The following BAG4 variants were observed in gnomAD, a reference collection of about 807,000 sequenced individuals.
The protein encoded by BAG4 is BAG family molecular chaperone regulator 4.
BAG4 carries 28 observed loss-of-function variants against 52.1 expected under a neutral mutation model. That is an observed-to-expected ratio of 0.54 (90% CI 0.40 to 0.74). The LOEUF is 0.74. BAG4 is among the 30% of genes least tolerant of loss of function. BAG4 has a pLI of 0.00. For synonymous variants in BAG4, 208 were observed against 217.0 expected, an observed-to-expected ratio of 0.96 and a Z score of 0.37; for missense variants, 525 against 572.0, an observed-to-expected ratio of 0.92 and a Z score of 0.84.
chr8:38,179,323 A>C (rs1318386355), intron 1 of BAG4, among the ~76,000 whole-genome samples: 1 of 151,706 alleles, frequency 6.6e-6, no homozygotes, highest in African/African-American at 2.4e-5. Flanking sequence ...TGCCCAACTA[A>C]ATTTTGTATT....
chr8:38,199,269 G>A (rs1011905870), intron 2 of BAG4, among the ~76,000 whole-genome samples: 1 of 152,168 alleles, frequency 6.6e-6, no homozygotes, highest in African/African-American at 2.4e-5. Flanking sequence ...AATCCTATGG[G>A]ACCACTGTTA....
intron 1 of BAG4, 41 bp downstream of exon 1, chr8:38,177,180 C>T (rs772731815): frequency 2.5e-6 from 4 of 1,600,812 alleles, no homozygotes; most frequent in South Asian, 1.1e-5. Context: ...AGGTGAGGGC[C>T]CTTGGGGCTG....
chr8:38,188,975 T>A (rs1803421827), intron 1 of BAG4, among the ~76,000 whole-genome samples: 1 of 151,186 alleles, frequency 6.6e-6, no homozygotes, highest in Non-Finnish European at 1.5e-5. Context: ...TTTTTTTTTT[T>A]TGAGATGGAG....
chr8:38,180,547 A>G (rs1803246901), intron 1 of BAG4, among the ~76,000 whole-genome samples: 1 of 151,356 alleles, frequency 6.6e-6, no homozygotes, highest in Non-Finnish European at 1.5e-5. Flanking sequence ...AAAAAAAAAA[A>G]AGATATGCAT....
At chr8:38,182,535 A>G (rs1309787216) in intron 1 of BAG4, among the ~76,000 whole-genome samples, 1 of 152,228 alleles carries the variant, frequency 6.6e-6, no homozygotes, top group Non-Finnish European at 1.5e-5. Flanking sequence ...TTTCTTTGGC[A>G]TAGAACTTTA....
chr8:38,208,801 A>G (rs1470475873), intron 3 of BAG4, among the ~76,000 whole-genome samples: 1 of 152,036 alleles, frequency 6.6e-6, no homozygotes, highest in Non-Finnish European at 1.5e-5. Context: ...TTTTATTGTC[A>G]TTAAATCTAC....
At chr8:38,178,336 G>C (rs1803205280) in intron 1 of BAG4, among the ~76,000 whole-genome samples, 1 of 152,130 alleles carries the variant, frequency 6.6e-6, no homozygotes, top group African/African-American at 2.4e-5. Context: ...TGTATTTTTA[G>C]TACAGACGGG....
At chr8:38,203,246 T>C (rs1803711226) in intron 2 of BAG4, among the ~76,000 whole-genome samples, 1 of 151,946 alleles carries the variant, frequency 6.6e-6, no homozygotes, top group Admixed American at 6.6e-5. Flanking sequence ...AGTGTTCTTA[T>C]GAAGATGGCT....
intron 2 of BAG4, among the ~76,000 whole-genome samples, chr8:38,193,871 TG>T (rs2130675666): frequency 6.6e-6 from 1 of 152,270 alleles, no homozygotes; most frequent in South Asian, 2.1e-4. Context: ...CCCAAGTAGC[TG>T]GGACTACAGG....
At chr8:38,207,350 C>T (rs1454404931) in intron 2 of BAG4, among the ~76,000 whole-genome samples, 162 bp from the exon 3 acceptor site, 2 of 152,070 alleles carry the variant, frequency 1.3e-5, no homozygotes, top group African/African-American at 2.4e-5. Context: ...GATTCTCCCA[C>T]CTTGGGCTCC....
rs193259612 is a variant in BAG4, at chr8:38,210,688, G to C, written c.*195G>C. 3.3e-4 allele frequency: 227 copies of C among 678,976 alleles called. 2 individuals are homozygous for C. In the African/African-American group the frequency reaches 3.9e-3, roughly 12 times the overall value. 42.1% of individuals were successfully genotyped at this position (678,976 alleles called of 1,614,324 possible). ...CATGAGTTGTTTTCAGTTTTCAGAC[G>C]AATGAATGTAATAGGAAACTATGGA... On this transcript the variant is annotated 3_prime_UTR_variant, in exon 5 of 5. Transcript: ENST00000287322.
intron 2 of BAG4, among the ~76,000 whole-genome samples, chr8:38,204,927 A>G (rs776980159): frequency 6.6e-6 from 1 of 152,178 alleles, no homozygotes; most frequent in Non-Finnish European, 1.5e-5. Context: ...AATGTTTTTA[A>G]ACATTTTTAA....
chr8:38,194,200 T>A (rs1031527860), intron 2 of BAG4, among the ~76,000 whole-genome samples: 8 of 152,010 alleles, frequency 5.3e-5, no homozygotes, highest in African/African-American at 1.9e-4. Flanking sequence ...CCCATTTGTG[T>A]TTTTGTGCCT....
chr8:38,184,192 C>T (rs184870641), intron 1 of BAG4, among the ~76,000 whole-genome samples: 73 of 152,218 alleles, frequency 4.8e-4, no homozygotes, highest in African/African-American at 1.7e-3. Context: ...AATGGCCGGG[C>T]GCAGTGGCTC....
chr8:38,184,466 CAAATAAAATAAAATAAAATA>C (rs36228003), intron 1 of BAG4, among the ~76,000 whole-genome samples: 8 of 146,598 alleles, frequency 5.5e-5, no homozygotes, highest in Admixed American at 2.0e-4. Context: ...GACCCTGTCT[CAAATAAAATAAAATAAAATA>C]AAATAAAATA....
rs773692892 is a variant in BAG4 at position 38,177,155 on chromosome 8, T to A, written c.270+16T>A. On this transcript the variant is annotated intron_variant, in intron 1 of 4. Coordinates refer to ENST00000287322, the MANE Select transcript of BAG4 (RefSeq NM_004874.4). ...AAGCCACCAGGTAAGCTTTGCACCC[T>A]CTGTCCTTGCGGGGAGGTGAGGGCC... 2.5e-6 allele frequency: 4 copies of A among 1,609,710 alleles called. No individual in the cohort carries two copies. The highest frequency in any genetic ancestry group is 1.3e-5 in the African/African-American group (1 of 74,744).
intron 1 of BAG4, among the ~76,000 whole-genome samples, chr8:38,178,586 T>C (rs1563278142): frequency 6.6e-6 from 1 of 152,250 alleles, no homozygotes; most frequent in Admixed American, 6.5e-5. Flanking sequence ...CAAAATATGG[T>C]GTTAATATAT....
chr8:38,200,759 C>T (rs778212089), intron 2 of BAG4, among the ~76,000 whole-genome samples: 7 of 152,118 alleles, frequency 4.6e-5, no homozygotes, highest in African/African-American at 7.2e-5. Context: ...CCACCACGCC[C>T]GGCTAATTTT....
chr8:38,193,246 C>G (rs1036094938), intron 2 of BAG4, among the ~76,000 whole-genome samples: 3 of 151,866 alleles, frequency 2.0e-5, no homozygotes, highest in Non-Finnish European at 4.4e-5. Flanking sequence ...TGGTGAAACT[C>G]CATCTCTACT....
Sources: gnomAD v4.1 joint callset for allele counts (sites outside exome capture counted in the v4.1 genomes callset) on GRCh38, gnomAD v4.1.1 for gene constraint, MANE v1.5 for transcripts, NCBI Gene and HGNC (gene_info 2026-07-23, HGNC 2026-07-21) for gene names.